TUSC3: variants seen among roughly 807,000 people sequenced by gnomAD.
The protein encoded by TUSC3 is tumor suppressor candidate 3.
A neutral mutation model predicts 44.8 loss-of-function variants in TUSC3; 45 were observed. That is an observed-to-expected ratio of 1.00 (90% CI 0.79 to 1.29). The LOEUF (loss-of-function observed/expected upper bound fraction) is 1.29, where lower values mean the gene tolerates loss of function less well. Ranked by LOEUF, TUSC3 falls within the 50% of genes most tolerant of loss-of-function variation. The pLI is 0.00. For synonymous variants in TUSC3, 212 were observed against 152.9 expected, an observed-to-expected ratio of 1.39 and a Z score of -2.85; for missense variants, 519 against 437.9, an observed-to-expected ratio of 1.19 and a Z score of -1.65.
chr8:15,569,879 G>A (rs4831746), intron 1 of TUSC3, among the ~76,000 whole-genome samples: 20,690 of 151,948 alleles, frequency 0.14, 1,863 homozygotes, highest in Non-Finnish European at 0.2. Context: ...TTGCTTTGGT[G>A]GCTTTAGTGC....
chr8:15,713,587 C>G (rs1008164212), intron 6 of TUSC3, among the ~76,000 whole-genome samples: 1 of 152,096 alleles, frequency 6.6e-6, no homozygotes, highest in African/African-American at 2.4e-5. Context: ...TACACACATC[C>G]GAGACCCAGG....
At chr8:15,826,650 G>A in the TUSC3 span, among the ~76,000 whole-genome samples, 2 of 152,116 alleles carry the variant, frequency 1.3e-5, no homozygotes, top group East Asian at 1.9e-4. Context: ...ATGAGAAGAA[G>A]CGAATGCTAT....
At chr8:15,844,897 T>A in the TUSC3 span, among the ~76,000 whole-genome samples, 1 of 152,140 alleles carries the variant, frequency 6.6e-6, no homozygotes. Flanking sequence ...GGACTATCCC[T>A]GAGATGATCG....
At chr8:15,778,797 G>C in the TUSC3 span, among the ~76,000 whole-genome samples, 1 of 152,170 alleles carries the variant, frequency 6.6e-6, no homozygotes, top group African/African-American at 2.4e-5. Context: ...TTAGGCTACT[G>C]TGACTATCTG....
intron 1 of TUSC3, among the ~76,000 whole-genome samples, chr8:15,559,361 TGACA>T (rs749633211): frequency 1.1e-4 from 16 of 148,946 alleles, no homozygotes; most frequent in Admixed American, 6.7e-5. Flanking sequence ...CACTGTGGTC[TGACA>T]GACAGTTTGT....
At chr8:15,695,256 T>G (rs1442119537) in intron 6 of TUSC3, among the ~76,000 whole-genome samples, 2 of 152,178 alleles carry the variant, frequency 1.3e-5, no homozygotes, top group Non-Finnish European at 1.5e-5. Flanking sequence ...GGGAGGTAAT[T>G]GAATCATGGG....
chr8:15,619,370 C>G (rs1184205731), intron 1 of TUSC3, among the ~76,000 whole-genome samples: 2 of 152,110 alleles, frequency 1.3e-5, no homozygotes, highest in African/African-American at 4.8e-5. Flanking sequence ...TGCTACTTTT[C>G]TCATTTATAA....
intron 1 of TUSC3, among the ~76,000 whole-genome samples, chr8:15,428,657 C>T (rs943954819): frequency 7.2e-5 from 11 of 152,144 alleles, no homozygotes; most frequent in African/African-American, 1.9e-4. Flanking sequence ...GTAATGATCG[C>T]CATTCTAACT....
chr8:15,654,358 G>A lies in TUSC3; in HGVS notation c.426+3544G>A, dbSNP rs777624126. Reference sequence around the variant, plus strand: ...GTGTGCTTTGTTCAGTTTAAGGAACGTTGCTAAATGTCCATTACATGGAAG... The same window carrying A: ...GTGTGCTTTGTTCAGTTTAAGGAACATTGCTAAATGTCCATTACATGGAAG... On this transcript the variant is annotated intron_variant, in intron 3 of 10. Coordinates refer to ENST00000503731, the MANE Select transcript of TUSC3 (RefSeq NM_006765.4). Among the ~76,000 whole-genome samples, 7 of 152,096 alleles carry A rather than the reference G, an allele frequency of 4.6e-5. No homozygotes were observed. The East Asian group carries it at 5.8e-4, about 13-fold the overall frequency.
At chr8:15,818,809 G>T in the TUSC3 span, among the ~76,000 whole-genome samples, 2 of 152,092 alleles carry the variant, frequency 1.3e-5, no homozygotes, top group African/African-American at 4.8e-5. Context: ...CCCTACTCAG[G>T]AAAATCATAC....
At chr8:15,594,138 C>T (rs1055307448) in intron 1 of TUSC3, among the ~76,000 whole-genome samples, 2 of 152,196 alleles carry the variant, frequency 1.3e-5, no homozygotes, top group African/African-American at 4.8e-5. Flanking sequence ...CCATAGTTCG[C>T]TGCAATTTTA....
chr8:15,530,535 C>G (rs1166568413), intron 2 of TUSC3, among the ~76,000 whole-genome samples: 1 of 152,132 alleles, frequency 6.6e-6, no homozygotes, highest in Non-Finnish European at 1.5e-5. Flanking sequence ...AATAATCTGC[C>G]TGAGGTCACA....
chr8:15,826,672 A>T, the TUSC3 span, among the ~76,000 whole-genome samples: 1 of 152,194 alleles, frequency 6.6e-6, no homozygotes, highest in Non-Finnish European at 1.5e-5. Flanking sequence ...TATTTCAAGC[A>T]TGCTGTCACA....
chr8:15,617,132 G>GTGTGTGTGTGTGTGTGTGTGTA (rs375212684), intron 1 of TUSC3, among the ~76,000 whole-genome samples: 1 of 77,614 alleles, frequency 1.3e-5, no homozygotes, highest in Non-Finnish European at 2.9e-5. Flanking sequence ...GTGTGTGTGT[G>GTGTGTGTGTGTGTGTGTGTGTA]TATATATTTT....
At position 15,544,503 on chromosome 8, in the gene TUSC3, T is replaced by C. The variant is rs572783300; in HGVS notation, c.138+3935T>C. 2.1e-4 allele frequency among the ~76,000 whole-genome samples: 32 copies of C among 151,956 alleles called. No homozygotes were observed. In the South Asian group the frequency reaches 6.5e-3, roughly 31 times the overall value. ...TATGAAAAATTGAAGAGCTCATGTT[T>C]TCTAAGCGATCAATTGTTTGACTAA... On this transcript the variant is annotated intron_variant, in intron 1 of 10. Transcript: ENST00000503731.
intron 9 of TUSC3, 109 bp from the exon 10 acceptor site, chr8:15,757,682 A>G (rs1811983827): frequency 2.2e-6 from 3 of 1,366,566 alleles, no homozygotes; most frequent in Non-Finnish European, 3.1e-6. Context: ...TGTCTTATCT[A>G]GATAAAGAAT....
intron 4 of TUSC3, among the ~76,000 whole-genome samples, chr8:15,661,135 A>T (rs1807406023): frequency 6.6e-6 from 1 of 151,944 alleles, no homozygotes; most frequent in African/African-American, 2.4e-5. Flanking sequence ...TCTGAAAAAA[A>T]TTAGGGTGAA....
chr8:15,451,787 A>G (rs1359321179), intron 1 of TUSC3, among the ~76,000 whole-genome samples: 2 of 152,120 alleles, frequency 1.3e-5, no homozygotes, highest in Non-Finnish European at 1.5e-5. Flanking sequence ...TGCTCTCTCC[A>G]GAAAGATAGT....
intron 7 of TUSC3, among the ~76,000 whole-genome samples, chr8:15,741,831 G>T (rs1811212211): frequency 1.3e-5 from 2 of 152,126 alleles, no homozygotes; most frequent in Admixed American, 6.6e-5. Context: ...AATGATTAAA[G>T]GGGAAACTTA....
Sources: allele counts gnomAD v4.1 joint callset (sites outside exome capture counted in the v4.1 genomes callset), GRCh38; gene constraint gnomAD v4.1.1; transcripts MANE v1.5; gene names NCBI Gene and HGNC (gene_info 2026-07-23, HGNC 2026-07-21).